Variants in AGBL4 observed in about 807,000 individuals in gnomAD.
The protein encoded by AGBL4 is cytosolic carboxypeptidase 6.
AGBL4 carries 58 observed loss-of-function variants against 66.4 expected under a neutral mutation model. The observed-to-expected ratio is 0.87, with a 90% confidence interval of 0.71 to 1.09. The LOEUF (loss-of-function observed/expected upper bound fraction) is 1.09. Among genes scored for constraint, AGBL4 ranks in the 50% least tolerant of loss-of-function variants. AGBL4 has a pLI of 0.00. For synonymous variants in AGBL4, 234 were observed against 222.9 expected, an observed-to-expected ratio of 1.05 and a Z score of -0.44; for missense variants, 579 against 631.0, an observed-to-expected ratio of 0.92 and a Z score of 0.88.
chr1:49,298,351 C>T (rs181517425), intron 3 of AGBL4, among the ~76,000 whole-genome samples: 13 of 152,314 alleles, frequency 8.5e-5, no homozygotes, highest in African/African-American at 2.9e-4. Context: ...CCCTCTCCCC[C>T]CAGGTTCCCT....
chr1:49,031,263 T>A (rs1376511600), intron 5 of AGBL4, among the ~76,000 whole-genome samples: 1 of 151,950 alleles, frequency 6.6e-6, no homozygotes, highest in Admixed American at 6.6e-5. Context: ...AAATTTTGTA[T>A]TTTTTGTAGA....
chr1:49,184,182 G>C (rs1646976359), intron 4 of AGBL4, among the ~76,000 whole-genome samples: 1 of 152,100 alleles, frequency 6.6e-6, no homozygotes, highest in Non-Finnish European at 1.5e-5. Context: ...TTTTGCTCTT[G>C]TCACTGTTCT....
intron 4 of AGBL4, among the ~76,000 whole-genome samples, chr1:49,167,689 T>C (rs1457126580): frequency 6.6e-6 from 1 of 152,238 alleles, no homozygotes; most frequent in Non-Finnish European, 1.5e-5. Flanking sequence ...ATGTGCTCTA[T>C]GTTATGATTC....
chr1:49,338,791 T>C (rs927792387), intron 3 of AGBL4, among the ~76,000 whole-genome samples: 1 of 152,118 alleles, frequency 6.6e-6, no homozygotes. Context: ...GAAGAAGTGC[T>C]CTGAGGGTGG....
intron 11 of AGBL4, among the ~76,000 whole-genome samples, chr1:48,550,098 G>A (rs1012703998): frequency 3.9e-5 from 6 of 152,138 alleles, no homozygotes; most frequent in Admixed American, 1.3e-4. Flanking sequence ...ATGCTTATAC[G>A]GAAATTGTGA....
intron 1 of AGBL4, among the ~76,000 whole-genome samples, chr1:49,887,941 C>T (rs1648241920): frequency 6.6e-6 from 1 of 152,064 alleles, no homozygotes; most frequent in African/African-American, 2.4e-5. Flanking sequence ...ATTAAATTCT[C>T]ACATTTCCTG....
intron 8 of AGBL4, among the ~76,000 whole-genome samples, chr1:48,642,507 C>T (rs1645773474): frequency 6.6e-6 from 1 of 151,984 alleles, no homozygotes; most frequent in Admixed American, 6.6e-5. Context: ...ATTCTTAGAG[C>T]CAGTGACCAA....
At chr1:49,062,380 CTTCATTATGACTTACTA>C (rs1410535838) in intron 4 of AGBL4, among the ~76,000 whole-genome samples, 1 of 152,184 alleles carries the variant, frequency 6.6e-6, no homozygotes, top group Non-Finnish European at 1.5e-5. Flanking sequence ...ATGCATCATA[CTTCATTATGACTTACTA>C]TTGCTCTTCT....
intron 3 of AGBL4, among the ~76,000 whole-genome samples, chr1:49,378,926 C>T (rs571888554): frequency 1.3e-5 from 2 of 152,112 alleles, no homozygotes; most frequent in South Asian, 2.1e-4. Flanking sequence ...TAATGATTCT[C>T]TCCAGAGAAG....
At chr1:49,204,540 A>T (rs140881137) in intron 4 of AGBL4, among the ~76,000 whole-genome samples, 48 of 152,252 alleles carry the variant, frequency 3.2e-4, no homozygotes, top group African/African-American at 1.1e-3. Context: ...TTGGCCTCCC[A>T]AAGTGCTGGG....
chr1:49,599,344 G>A (rs1644910305), intron 3 of AGBL4, among the ~76,000 whole-genome samples: 1 of 152,140 alleles, frequency 6.6e-6, no homozygotes, highest in Non-Finnish European at 1.5e-5. Context: ...GGGTGTATGT[G>A]TCCAGGAATT....
chr1:49,379,780 C>T (rs888012751), intron 3 of AGBL4, among the ~76,000 whole-genome samples: 2 of 151,956 alleles, frequency 1.3e-5, no homozygotes, highest in Non-Finnish European at 1.5e-5. Flanking sequence ...ATTCAGTTTG[C>T]CAGTATTTTA....
At chr1:49,846,337 C>A in intron 2 of AGBL4, 1 of 1,531,368 alleles carries the variant, frequency 6.5e-7, no homozygotes, top group Non-Finnish European at 9.0e-7. Flanking sequence ...CATGCAGGGA[C>A]TATGGAAAGA....
At chr1:50,017,278 GC>G (rs1235953983) in intron 1 of AGBL4, 1 of 151,808 alleles carries the variant, frequency 6.6e-6, no homozygotes, top group Non-Finnish European at 1.5e-5. Context: ...ACTAGGAATA[GC>G]CCCCTTTCAC....
chr1:49,503,600 C>T (rs1648399408), intron 3 of AGBL4, among the ~76,000 whole-genome samples: 1 of 152,098 alleles, frequency 6.6e-6, no homozygotes, highest in Non-Finnish European at 1.5e-5. Flanking sequence ...GCAGAGCTGC[C>T]CAAAGCTGTG....
At chr1:48,775,766 C>T (rs1557982076) in intron 6 of AGBL4, among the ~76,000 whole-genome samples, 1 of 152,238 alleles carries the variant, frequency 6.6e-6, no homozygotes, top group Non-Finnish European at 1.5e-5. Context: ...CCTCAGTACC[C>T]TCATCTACGA....
chr1:49,715,089 T>C (rs904095864), intron 2 of AGBL4, among the ~76,000 whole-genome samples: 1 of 152,114 alleles, frequency 6.6e-6, no homozygotes, highest in African/African-American at 2.4e-5. Flanking sequence ...CTACATTAGG[T>C]ATTTCTCCTA....
intron 4 of AGBL4, among the ~76,000 whole-genome samples, chr1:49,104,344 T>TA (rs755728091): frequency 5.3e-4 from 81 of 152,330 alleles, no homozygotes; most frequent in Admixed American, 2.7e-3. Context: ...GAGGGAAGGA[T>TA]ATGTTTCATT....
At chr1:49,362,909 G>A (rs1285652110) in intron 3 of AGBL4, among the ~76,000 whole-genome samples, 2 of 152,148 alleles carry the variant, frequency 1.3e-5, no homozygotes, top group African/African-American at 2.4e-5. Flanking sequence ...TGAAGATAGA[G>A]GCAGATAATG....
Sources: allele counts gnomAD v4.1 joint callset (sites outside exome capture counted in the v4.1 genomes callset), GRCh38; gene constraint gnomAD v4.1.1; transcripts MANE v1.5; gene names NCBI Gene and HGNC (gene_info 2026-07-23, HGNC 2026-07-21).